Variants in MAST2 observed in about 807,000 individuals in gnomAD.
MAST2 encodes microtubule-associated serine/threonine-protein kinase 2.
Under a neutral mutation model 147.4 loss-of-function variants are expected in MAST2, and 70 were observed. The observed-to-expected ratio is 0.47, with a 90% CI of 0.39 to 0.58. The LOEUF (loss-of-function observed/expected upper bound fraction) is 0.58, where lower values mean the gene tolerates loss of function less well. Ranked by LOEUF, MAST2 falls within the 20% of genes least tolerant of loss-of-function variation. The probability of loss-of-function intolerance (pLI) is 0.00; values close to 1 mark genes in which losing one functional copy is unlikely to be tolerated. For missense variants in MAST2, 2,080 were observed against 2,302.3 expected, an observed-to-expected ratio of 0.90 and a Z score of 1.98; for synonymous variants, 869 against 896.8, an observed-to-expected ratio of 0.97 and a Z score of 0.55.
chr1:45,876,859 G>A (rs74072138), intron 3 of MAST2, among the ~76,000 whole-genome samples: 7,180 of 152,060 alleles, frequency 0.047, 604 homozygotes, highest in African/African-American at 0.17. Context: ...TGCAGAGAGG[G>A]GCATATATGC....
chr1:46,027,794 C>T lies in MAST2; in HGVS notation c.1983C>T (p.Leu661=). 6.2e-7 allele frequency: 1 copy of T among 1,614,172 alleles called. No individual in the cohort carries two copies. The highest frequency in any genetic ancestry group is 8.5e-7 in the Non-Finnish European group (1 of 1,180,014). Residue 661 remains leucine (L), a synonymous_variant, in exon 17 of 29, where the codon CTC becomes CTT. Transcript: ENST00000361297. The stretch of plus-strand genomic sequence containing the variant: ...ACTTTGGACTGTCCAAAATTGGCCT[C>T]ATGAGTCTGACAACGAACTTGTATG... The part of the protein sequence containing the change: ...LTDFGLSKIG[L]MSLTTNLYEG...
intron 4 of MAST2, among the ~76,000 whole-genome samples, chr1:45,931,835 TA>T (rs1218112049): frequency 6.6e-6 from 1 of 152,050 alleles, no homozygotes; most frequent in African/African-American, 2.4e-5. Context: ...AATACAGGCA[TA>T]CACTACCATG....
At chr1:46,003,792 T>C (rs1490032390) in intron 7 of MAST2, among the ~76,000 whole-genome samples, 1 of 152,104 alleles carries the variant, frequency 6.6e-6, no homozygotes, top group Non-Finnish European at 1.5e-5. Flanking sequence ...AAAACCACAG[T>C]GACAAGGTTG....
At chr1:45,897,965 T>C (rs1336009386) in intron 4 of MAST2, among the ~76,000 whole-genome samples, 2 of 151,910 alleles carry the variant, frequency 1.3e-5, no homozygotes, top group Non-Finnish European at 1.5e-5. Context: ...AAAAATTAGC[T>C]GGGCATGGTG....
rs372371908 is a variant in MAST2 at position 46,029,545 on chromosome 1, C to T, written c.2298C>T (p.Asn766=). The T allele has an allele frequency of 6.8e-6, 11 of 1,614,070 alleles. No individual in the cohort carries two copies. Among genetic ancestry groups the T allele is most frequent in the Non-Finnish European group, 8.5e-6 (10 of 1,179,960 alleles). ...QDLTSKLLHQ[N]PLERLGTGSA... ...TCACCTCCAAACTGCTCCACCAGAA[C>T]CCTCTGGAGAGACTTGGCACAGGTA... The change falls in exon 19 of 29, where the codon AAC becomes AAT. Residue 766 remains asparagine, a synonymous_variant. Transcript: ENST00000361297.
chr1:45,974,290 T>C (rs1272081019), intron 5 of MAST2, among the ~76,000 whole-genome samples: 3 of 152,196 alleles, frequency 2.0e-5, no homozygotes, highest in Non-Finnish European at 2.9e-5. Context: ...AGATAGCTTA[T>C]TGAAGTTCTT....
At position 45,829,506 on chromosome 1, in the gene MAST2, A is replaced by G. The variant is rs772638266; in HGVS notation, c.393A>G (p.Ser131=). Residue 131 remains serine, a synonymous_variant, in exon 3 of 29, where the codon TCA becomes TCG. Transcript: ENST00000361297. ...SSVGQVTWQS[S]GEASNLVRMR... ...TGGGACAGGTGACTTGGCAGTCGTC[A>G]GGAGAAGCATCAAACCTGGTTCGAA... 69 of 1,614,208 alleles carry G rather than the reference A, an allele frequency of 4.3e-5. No individual in the cohort carries two copies. Among genetic ancestry groups the G allele is most frequent in the Non-Finnish European group, 5.8e-5 (69 of 1,180,026 alleles).
chr1:45,928,426 A>G (rs570953355), intron 4 of MAST2, among the ~76,000 whole-genome samples: 71 of 152,324 alleles, frequency 4.7e-4, no homozygotes, highest in African/African-American at 1.6e-3. Context: ...TATTTGGTTA[A>G]TACATCTCTT....
intron 4 of MAST2, among the ~76,000 whole-genome samples, chr1:45,914,526 A>T (rs965425508): frequency 1.3e-5 from 2 of 152,206 alleles, no homozygotes; most frequent in Non-Finnish European, 2.9e-5. Context: ...GAAAGAAGAG[A>T]CCTAGAATTC....
intron 5 of MAST2, among the ~76,000 whole-genome samples, chr1:45,963,862 A>G (rs1446679988): frequency 6.6e-6 from 1 of 152,198 alleles, no homozygotes; most frequent in Non-Finnish European, 1.5e-5. Context: ...GAATGCTTCC[A>G]GTTTTTGCCC....
intron 3 of MAST2, among the ~76,000 whole-genome samples, chr1:45,874,228 G>A (rs1646510061): frequency 6.6e-6 from 1 of 152,152 alleles, no homozygotes; most frequent in South Asian, 2.1e-4. Flanking sequence ...TTTGAGCCAC[G>A]ACAGAAGCCT....
intron 4 of MAST2, among the ~76,000 whole-genome samples, chr1:45,915,170 G>A (rs948513850): frequency 2.6e-5 from 4 of 152,162 alleles, no homozygotes; most frequent in Non-Finnish European, 5.9e-5. Flanking sequence ...GAGCTCAAGT[G>A]ATCCTCTTGC....
chr1:45,829,694 AATGAAGT>A, intron 3 of MAST2, 113 bp downstream of exon 3: 1 of 1,124,458 alleles, frequency 8.9e-7, no homozygotes, highest in South Asian at 1.6e-5. Flanking sequence ...AGTTTCCCAA[AATGAAGT>A]ATGGAAGAGA....
chr1:45,917,617 G>A lies in MAST2; in HGVS notation c.500+35222G>A, dbSNP rs942090584. ...CGCATACCTTACTCCTTAATAATGG[G>A]GAGAAATGGAGTAAGAGTCTTGGTT... On this transcript the variant is annotated intron_variant, in intron 4 of 28. Transcript: ENST00000361297. The A allele has an allele frequency of 5.2e-6, 5 of 957,110 alleles. No individual in the cohort carries two copies. In the African/African-American group the frequency reaches 8.5e-5, roughly 16 times the overall value. 59.3% of individuals were successfully genotyped at this position (957,110 alleles called of 1,614,324 possible).
chr1:45,966,948 CCTTGAGCT>C (rs1661314186), intron 5 of MAST2, among the ~76,000 whole-genome samples: 1 of 148,610 alleles, frequency 6.7e-6, no homozygotes, highest in South Asian at 2.1e-4. Context: ...CTCAATACAG[CCTTGAGCT>C]CTTAGGCTCC....
intron 4 of MAST2, among the ~76,000 whole-genome samples, chr1:45,904,205 T>G (rs1393691595): frequency 6.6e-6 from 1 of 150,476 alleles, no homozygotes; most frequent in Non-Finnish European, 1.5e-5. Flanking sequence ...GAAGGCTTAC[T>G]CTTGTCCCCC....
intron 10 of MAST2, among the ~76,000 whole-genome samples, chr1:46,016,711 T>G (rs1028490084): frequency 1.3e-5 from 2 of 152,172 alleles, no homozygotes; most frequent in African/African-American, 4.8e-5. Context: ...TGCTCATGGG[T>G]AGGAAGAATC....
intron 10 of MAST2, among the ~76,000 whole-genome samples, chr1:46,016,793 A>G (rs1353775393): frequency 2.0e-5 from 3 of 152,196 alleles, no homozygotes; most frequent in African/African-American, 7.2e-5. Flanking sequence ...CAAGCTACCA[A>G]TGACTTTCTT....
intron 4 of MAST2, among the ~76,000 whole-genome samples, chr1:45,894,177 C>G (rs933185455): frequency 4.0e-5 from 6 of 151,206 alleles, no homozygotes; most frequent in Non-Finnish European, 8.8e-5. Context: ...GATCATGCCA[C>G]TGCACTCTAG....
Sources: gnomAD v4.1 joint callset for allele counts (sites outside exome capture counted in the v4.1 genomes callset) on GRCh38, gnomAD v4.1.1 for gene constraint, MANE v1.5 for transcripts, NCBI Gene and HGNC (gene_info 2026-07-23, HGNC 2026-07-21) for gene names.